Variants in PKIB observed in about 807,000 individuals in gnomAD.
The protein encoded by PKIB is cAMP-dependent protein kinase inhibitor beta, also known as PKI-beta.
PKIB carries 2 observed loss-of-function variants against 4.5 expected under a neutral mutation model. The ratio of observed to expected loss-of-function variants is 0.44; its 90% confidence interval spans 0.18 to 1.39. The LOEUF is 1.39. Ranked by LOEUF, PKIB falls within the 40% of genes most tolerant of loss-of-function variation. The pLI, the probability that PKIB is intolerant of heterozygous loss-of-function variation, is 0.27. For synonymous variants in PKIB, 38 were observed against 36.0 expected (o/e 1.06, Z -0.20); for missense variants, 94 against 92.6 (o/e 1.02, Z -0.06).
intron 2 of PKIB, among the ~76,000 whole-genome samples, chr6:122,653,687 G>A (rs997845394): frequency 1.3e-5 from 2 of 151,466 alleles, no homozygotes; most frequent in Non-Finnish European, 2.9e-5. Context: ...CTGGCCAGGC[G>A]CAGTGGCTCC....
chr6:122,690,934 T>A (rs201026305), intron 3 of PKIB, among the ~76,000 whole-genome samples: 32 of 119,562 alleles, frequency 2.7e-4, no homozygotes, highest in African/African-American at 7.9e-4. Flanking sequence ...ATATATATAT[T>A]TTTTTTTTTT....
At chr6:122,485,147 C>A (rs1229760295) in intron 2 of PKIB, among the ~76,000 whole-genome samples, 1 of 152,046 alleles carries the variant, frequency 6.6e-6, no homozygotes, top group Non-Finnish European at 1.5e-5. Flanking sequence ...GTGAATCGTG[C>A]CTTGCTCAAT....
At chr6:122,703,958 A>G (rs1269570777) in intron 3 of PKIB, among the ~76,000 whole-genome samples, 2 of 150,740 alleles carry the variant, frequency 1.3e-5, no homozygotes, top group African/African-American at 4.9e-5. Context: ...AGAGAGAGAG[A>G]GAGAGAGAGA....
At chr6:122,517,103 G>GT (rs1324896208) in intron 2 of PKIB, among the ~76,000 whole-genome samples, 2 of 152,016 alleles carry the variant, frequency 1.3e-5, no homozygotes, top group African/African-American at 4.8e-5. Flanking sequence ...TTATGTTTCT[G>GT]TTTTTTTGTT....
chr6:122,608,256 C>T (rs13200194), upstream of PKIB, among the ~76,000 whole-genome samples: 53,680 of 152,090 alleles, frequency 0.35, 10,435 homozygotes, highest in Non-Finnish European at 0.44. Flanking sequence ...AACCTTAAAA[C>T]CTTGTCTTAA....
intron 2 of PKIB, among the ~76,000 whole-genome samples, chr6:122,633,598 C>G (rs745415409): frequency 2.0e-5 from 3 of 152,134 alleles, no homozygotes; most frequent in Non-Finnish European, 4.4e-5. Flanking sequence ...ACATTTTCAA[C>G]TCATATCTGC....
chr6:122,674,101 T>C (rs989174218), intron 2 of PKIB, among the ~76,000 whole-genome samples: 4 of 151,880 alleles, frequency 2.6e-5, no homozygotes, highest in Admixed American at 2.6e-4. Flanking sequence ...TTGGTGGAGG[T>C]TGGGCATGGG....
At chr6:122,707,839 C>G (rs1779123164) in intron 3 of PKIB, among the ~76,000 whole-genome samples, 2 of 152,046 alleles carry the variant, frequency 1.3e-5, no homozygotes, top group Admixed American at 6.6e-5. Flanking sequence ...AGGTTATGCA[C>G]CAGAATTACA....
At chr6:122,483,321 A>T (rs898129194) in intron 2 of PKIB, 2 of 152,200 alleles carry the variant, frequency 1.3e-5, no homozygotes, top group Non-Finnish European at 2.9e-5. Context: ...ATCCTTTATT[A>T]CAAGTTGAAA....
intron 2 of PKIB, among the ~76,000 whole-genome samples, chr6:122,573,739 C>T (rs574601561): frequency 6.6e-6 from 1 of 151,950 alleles, no homozygotes; most frequent in Non-Finnish European, 1.5e-5. Flanking sequence ...TGATAAAACC[C>T]TCAGCAAAAA....
At chr6:122,616,635 G>A (rs1173197388) in intron 1 of PKIB, among the ~76,000 whole-genome samples, 1 of 152,114 alleles carries the variant, frequency 6.6e-6, no homozygotes, top group Admixed American at 6.5e-5. Context: ...TTGGGTTAAG[G>A]ACGAAAGTGG....
intron 2 of PKIB, among the ~76,000 whole-genome samples, chr6:122,501,883 C>G (rs976579681): frequency 2.8e-5 from 4 of 144,620 alleles, no homozygotes; most frequent in African/African-American, 1.0e-4. Flanking sequence ...CAGTTCATTT[C>G]TTTGTTTATG....
At chr6:122,663,546 C>A (rs1777096507) in intron 2 of PKIB, among the ~76,000 whole-genome samples, 2 of 152,192 alleles carry the variant, frequency 1.3e-5, no homozygotes, top group Non-Finnish European at 2.9e-5. Flanking sequence ...CAGGGCCATG[C>A]TCCCTCTGAT....
intron 2 of PKIB, among the ~76,000 whole-genome samples, chr6:122,484,450 A>G (rs752559093): frequency 7.9e-5 from 12 of 152,216 alleles, no homozygotes; most frequent in Non-Finnish European, 1.5e-4. Flanking sequence ...ATTGCAAGGA[A>G]TAAATATGAC....
chr6:122,525,438 TA>T (rs1272940008), intron 2 of PKIB, among the ~76,000 whole-genome samples: 1 of 152,180 alleles, frequency 6.6e-6, no homozygotes, highest in African/African-American at 2.4e-5. Context: ...GAGAAGAATG[TA>T]TATTCTGCTG....
At chr6:122,523,723 C>T (rs1192089634) in intron 2 of PKIB, among the ~76,000 whole-genome samples, 6 of 151,280 alleles carry the variant, frequency 4.0e-5, no homozygotes, top group African/African-American at 1.2e-4. Context: ...ATGAAGGTTG[C>T]GGTGAGCTGA....
At chr6:122,543,515 G>A (rs1254170488) in intron 2 of PKIB, among the ~76,000 whole-genome samples, 1 of 151,886 alleles carries the variant, frequency 6.6e-6, no homozygotes, top group Non-Finnish European at 1.5e-5. Context: ...AAGTAGCTGG[G>A]ATTATAGGTG....
At chr6:122,628,981 A>G (rs1359257046) in intron 1 of PKIB, among the ~76,000 whole-genome samples, 2 of 152,196 alleles carry the variant, frequency 1.3e-5, no homozygotes, top group Non-Finnish European at 2.9e-5. Context: ...CCTCAGAATC[A>G]GTCCAAATGA....
At chr6:122,707,529 C>T (rs562853533) in intron 3 of PKIB, among the ~76,000 whole-genome samples, 5 of 152,026 alleles carry the variant, frequency 3.3e-5, no homozygotes, top group South Asian at 2.1e-4. Context: ...TATTTTATAC[C>T]CATTTTATTT....
Sources: allele counts gnomAD v4.1 joint callset (sites outside exome capture counted in the v4.1 genomes callset), GRCh38; gene constraint gnomAD v4.1.1; transcripts MANE v1.5; gene names NCBI Gene and HGNC (gene_info 2026-07-23, HGNC 2026-07-21).